The following TEAD1 variants were observed in gnomAD, a reference collection of about 807,000 sequenced individuals.
The protein encoded by TEAD1 is transcriptional enhancer factor TEF-1.
TEAD1 carries 9 observed loss-of-function variants against 54.9 expected under a neutral mutation model. The observed-to-expected ratio is 0.16, with a 90% CI of 0.10 to 0.29. The LOEUF (loss-of-function observed/expected upper bound fraction) is 0.29, where lower values mean the gene tolerates loss of function less well. Ranked by LOEUF, TEAD1 falls within the 10% of genes least tolerant of loss-of-function variation. The pLI, the probability that TEAD1 is intolerant of heterozygous loss-of-function variation, is 1.00. For synonymous variants in TEAD1, 200 were observed against 187.8 expected (o/e 1.07, Z -0.53); for missense variants, 387 against 535.9 (o/e 0.72, Z 2.74).
intron 2 of TEAD1, among the ~76,000 whole-genome samples, chr11:12,763,160 A>G (rs560429662): frequency 1.3e-5 from 2 of 152,318 alleles, no homozygotes; most frequent in African/African-American, 2.4e-5. Context: ...CCAGTTTGAC[A>G]TTTGTTTGGA....
intron 10 of TEAD1, among the ~76,000 whole-genome samples, chr11:12,912,767 ACT>A (rs1450820097): frequency 1.3e-5 from 2 of 151,954 alleles, no homozygotes; most frequent in Admixed American, 6.5e-5. Context: ...TAAACCTTTG[ACT>A]CTGAAGTCTT....
chr11:12,761,718 G>A (rs2133922308), intron 2 of TEAD1, among the ~76,000 whole-genome samples: 1 of 152,288 alleles, frequency 6.6e-6, no homozygotes, highest in South Asian at 2.1e-4. Context: ...ACCTAAATGG[G>A]TATCTTAGGA....
At chr11:12,675,372 A>G (rs1165574745) in intron 1 of TEAD1, 37 bp from the exon 2 acceptor site, 1 of 152,190 alleles carries the variant, frequency 6.6e-6, no homozygotes, top group Non-Finnish European at 1.5e-5. Context: ...CTTCTCAAAG[A>G]TGAAAAAGGG....
At chr11:12,698,072 C>G (rs929153545) in intron 2 of TEAD1, among the ~76,000 whole-genome samples, 1 of 150,720 alleles carries the variant, frequency 6.6e-6, no homozygotes, top group Non-Finnish European at 1.5e-5. Context: ...GGGGTTTAGA[C>G]TTTTATAAGT....
chr11:12,781,753 A>G (rs1315951798), intron 3 of TEAD1, among the ~76,000 whole-genome samples: 2 of 151,764 alleles, frequency 1.3e-5, no homozygotes, highest in African/African-American at 2.4e-5. Context: ...CTCTGGAAAC[A>G]GTCTGGAAGT....
chr11:12,886,471 AT>A, intron 9 of TEAD1, among the ~76,000 whole-genome samples: 1 of 152,288 alleles, frequency 6.6e-6, no homozygotes, highest in African/African-American at 2.4e-5. Flanking sequence ...TTTAACAAGT[AT>A]TTTTTGAGCA....
intron 2 of TEAD1, among the ~76,000 whole-genome samples, chr11:12,714,146 A>G (rs945700720): frequency 6.6e-6 from 1 of 152,160 alleles, no homozygotes; most frequent in Non-Finnish European, 1.5e-5. Context: ...GGAACTCGGG[A>G]GGCTGCCAGG....
intron 2 of TEAD1, among the ~76,000 whole-genome samples, chr11:12,682,969 T>G (rs1590048049): frequency 1.3e-5 from 2 of 152,236 alleles, no homozygotes; most frequent in East Asian, 1.9e-4. Context: ...TGATGTTGCA[T>G]GCGCTCACCA....
intron 4 of TEAD1, 72 bp downstream of exon 4, chr11:12,862,386 G>T: frequency 7.0e-7 from 1 of 1,429,978 alleles, no homozygotes; most frequent in Non-Finnish European, 9.9e-7. Flanking sequence ...GCAGTGGCTG[G>T]CTATGCTTTG....
chr11:12,881,214 C>T, intron 7 of TEAD1, among the ~76,000 whole-genome samples, 163 bp downstream of exon 7: 1 of 152,156 alleles, frequency 6.6e-6, no homozygotes, highest in East Asian at 1.9e-4. Flanking sequence ...AGGCCCCTGG[C>T]AGGAAAGAGA....
chr11:12,749,549 A>G (rs1415225385), intron 2 of TEAD1, among the ~76,000 whole-genome samples: 2 of 151,768 alleles, frequency 1.3e-5, no homozygotes, highest in Non-Finnish European at 1.5e-5. Flanking sequence ...GTCAGAGGGG[A>G]GGGGGAGGAG....
chr11:12,934,778 G>C (rs1365074781), intron 12 of TEAD1, among the ~76,000 whole-genome samples: 1 of 152,108 alleles, frequency 6.6e-6, no homozygotes, highest in Non-Finnish European at 1.5e-5. Flanking sequence ...AGCTGTGAGA[G>C]ATGGTACTGC....
At chr11:12,910,147 C>T (rs1424797271) in intron 10 of TEAD1, among the ~76,000 whole-genome samples, 1 of 152,094 alleles carries the variant, frequency 6.6e-6, no homozygotes, top group Non-Finnish European at 1.5e-5. Flanking sequence ...GATTGAATTC[C>T]CAGAGCTAGA....
At chr11:12,815,348 C>G (rs943280703) in intron 3 of TEAD1, among the ~76,000 whole-genome samples, 1 of 152,106 alleles carries the variant, frequency 6.6e-6, no homozygotes, top group Non-Finnish European at 1.5e-5. Context: ...AAATAATGCT[C>G]TCTCTGCCCC....
At chr11:12,763,007 C>A (rs1399084292) in intron 2 of TEAD1, among the ~76,000 whole-genome samples, 1 of 152,194 alleles carries the variant, frequency 6.6e-6, no homozygotes, top group East Asian at 1.9e-4. Context: ...TTGGCCTCCT[C>A]TTTTCGATCA....
At chr11:12,826,437 C>A (rs1419233050) in intron 3 of TEAD1, among the ~76,000 whole-genome samples, 3 of 152,250 alleles carry the variant, frequency 2.0e-5, no homozygotes, top group East Asian at 1.9e-4. Context: ...AGTGGGGAAT[C>A]CATAGTGGTT....
chr11:12,708,778 G>T (rs1943871357), intron 2 of TEAD1, among the ~76,000 whole-genome samples: 1 of 152,140 alleles, frequency 6.6e-6, no homozygotes, highest in South Asian at 2.1e-4. Context: ...TGAAGAAGAT[G>T]AAGTCAACTT....
At chr11:12,702,982 A>C (rs901058106) in intron 2 of TEAD1, among the ~76,000 whole-genome samples, 1 of 152,148 alleles carries the variant, frequency 6.6e-6, no homozygotes, top group African/African-American at 2.4e-5. Context: ...AAAACTGCAC[A>C]GTTCTTAGGA....
At chr11:12,753,605 C>G (rs977082330) in intron 2 of TEAD1, among the ~76,000 whole-genome samples, 15 of 151,784 alleles carry the variant, frequency 9.9e-5, no homozygotes, top group African/African-American at 3.4e-4. Context: ...ATTGGGTTGT[C>G]TGATTTCTTA....
Sources: gnomAD v4.1 joint callset for allele counts (sites outside exome capture counted in the v4.1 genomes callset) on GRCh38, gnomAD v4.1.1 for gene constraint, MANE v1.5 for transcripts, NCBI Gene and HGNC (gene_info 2026-07-23, HGNC 2026-07-21) for gene names.